BPIFB3: variants seen among roughly 807,000 people sequenced by gnomAD.
BPIFB3 encodes BPI fold containing family B member 3, also known as BPI fold-containing family B member 3.
BPIFB3 carries 49 observed loss-of-function variants against 53.1 expected under a neutral mutation model. That is an observed-to-expected ratio of 0.92 (90% confidence interval 0.73 to 1.17). The LOEUF is 1.17. Among genes scored for constraint, BPIFB3 ranks in the 50% most tolerant of loss-of-function variants. The probability of loss-of-function intolerance (pLI) is 0.00; values close to 1 mark genes in which losing one functional copy is unlikely to be tolerated. For synonymous variants in BPIFB3, 271 were observed against 269.6 expected (o/e 1.01, Z -0.05); for missense variants, 628 against 592.5 (o/e 1.06, Z -0.62).
intron 6 of BPIFB3, 21 bp from the exon 8 acceptor site, chr20:33,064,436 C>G (rs773510446): frequency 1.2e-6 from 2 of 1,602,248 alleles, no homozygotes; most frequent in Non-Finnish European, 1.7e-6. Context: ...GGGTCGTTCT[C>G]GCCCCCACTT....
At chr20:33,055,181 T>C (rs2146377618), upstream of BPIFB3, among the ~76,000 whole-genome samples, 1 of 152,310 alleles carries the variant, frequency 6.6e-6, no homozygotes, top group African/African-American at 2.4e-5. Flanking sequence ...AGCTGAGAAA[T>C]GGAACCCAAT....
chr20:33,072,782 G>A, exon 14 of BPIFB3: 1 of 1,613,112 alleles, frequency 6.2e-7, no homozygotes, highest in Non-Finnish European at 8.5e-7. Context: ...TTCAGTTCTG[G>A]AGATCGTAGA....
chr20:33,059,302 ACCAAGAGC>A, intron 2 of BPIFB3, 68 bp from the exon 4 acceptor site: 1 of 1,093,110 alleles, frequency 9.1e-7, no homozygotes, highest in East Asian at 2.6e-5. Flanking sequence ...AGGGGACACC[ACCAAGAGC>A]CACTCTGGGC....
At chr20:33,062,315 T>C (rs1250697311) in intron 5 of BPIFB3, among the ~76,000 whole-genome samples, 2 of 152,172 alleles carry the variant, frequency 1.3e-5, no homozygotes, top group Non-Finnish European at 2.9e-5. Flanking sequence ...AGAGAGCTGG[T>C]CTGGCCCAAA....
intron 3 of BPIFB3, 67 bp from the exon 5 acceptor site, chr20:33,059,823 AC>A: frequency 1.3e-6 from 2 of 1,570,934 alleles, no homozygotes. Flanking sequence ...TGGCAGGGCC[AC>A]CCTGGTGGGC....
At chr20:33,063,396 C>T (rs562264583) in intron 5 of BPIFB3, among the ~76,000 whole-genome samples, 17 of 152,316 alleles carry the variant, frequency 1.1e-4, no homozygotes, top group Non-Finnish European at 1.3e-4. Context: ...GCTCTTGTAA[C>T]CAAGGGAAGA....
chr20:33,072,104 G>A (rs1291017496), exon 13 of BPIFB3: 1 of 1,614,186 alleles, frequency 6.2e-7, no homozygotes, highest in Non-Finnish European at 8.5e-7. Flanking sequence ...TCTGTTGCAG[G>A]GATCGCGTTT....
chr20:33,061,903 G>T, intron 5 of BPIFB3, 72 bp downstream of exon 6: 1 of 1,554,960 alleles, frequency 6.4e-7, no homozygotes, highest in Non-Finnish European at 8.9e-7. Context: ...GGTTTTGGGT[G>T]AAGTTTGGCG....
exon 1 of BPIFB3, chr20:33,055,437 T>C: frequency 6.2e-7 from 1 of 1,613,644 alleles, no homozygotes; most frequent in Non-Finnish European, 8.5e-7. Flanking sequence ...CAGCCAGTCA[T>C]GCTGGCCCTG....
At chr20:33,066,482 G>T (rs766018485) in intron 8 of BPIFB3, among the ~76,000 whole-genome samples, 4 of 152,218 alleles carry the variant, frequency 2.6e-5, no homozygotes, top group Admixed American at 1.3e-4. Context: ...AAGTTAGCCT[G>T]CCCAGGTTCA....
intron 1 of BPIFB3, among the ~76,000 whole-genome samples, chr20:33,056,085 A>G (rs573996794): frequency 3.8e-4 from 58 of 152,152 alleles, no homozygotes; most frequent in Admixed American, 4.6e-4. Flanking sequence ...AGAGAAGCAG[A>G]GACCATCTCC....
chr20:33,064,365 C>T, intron 6 of BPIFB3, 92 bp from the exon 8 acceptor site: 1 of 1,007,848 alleles, frequency 9.9e-7, no homozygotes, highest in Non-Finnish European at 1.5e-6. Flanking sequence ...GAGTGCTAGG[C>T]ATTCAGCAGA....
In BPIFB3 at chr20:33,059,920, C is replaced by T. The variant is rs556585809; in HGVS notation, c.416C>T (p.Ala139Val). The change falls in exon 4 of 15, where the codon GCG becomes GTG. Residue 139 changes from alanine to valine, a missense_variant. By Grantham distance (64) the Ala-to-Val change is moderately conservative. Coordinates refer to ENST00000375494, the Ensembl canonical transcript of BPIFB3. The stretch of plus-strand genomic sequence containing the variant: ...CTTGGTGGCCTTCTGCAGCTGGCTG[C>T]GGAGGTGAACGTGACATCGCGGGTG... The T allele has an allele frequency of 1.7e-5, 28 of 1,613,920 alleles. No individual in the cohort carries two copies. Among genetic ancestry groups the T allele is most frequent in the African/African-American group, 1.3e-4 (10 of 74,926 alleles).
intron 1 of BPIFB3, among the ~76,000 whole-genome samples, chr20:33,056,323 G>A (rs527634910): frequency 2.8e-4 from 43 of 152,310 alleles, no homozygotes; most frequent in African/African-American, 9.6e-4. Context: ...CACTTACTGG[G>A]TACCTCCCAC....
At chr20:33,059,868 A>T in intron 3 of BPIFB3, 23 bp from the exon 5 acceptor site, 2 of 1,611,366 alleles carry the variant, frequency 1.2e-6, no homozygotes, top group Admixed American at 3.3e-5. Flanking sequence ...GCCTGGCCAC[A>T]CCCCCAGTGT....
chr20:33,060,715 G>A (rs117711694), intron 4 of BPIFB3, among the ~76,000 whole-genome samples: 3,855 of 152,112 alleles, frequency 0.025, 75 homozygotes, highest in Middle Eastern at 0.068. Context: ...GATTACGGGC[G>A]CCCACCACCA....
chr20:33,056,549 G>C (rs1415035574), exon 2 of BPIFB3: 1 of 1,613,938 alleles, frequency 6.2e-7, no homozygotes. Flanking sequence ...CAGCCATCCA[G>C]AACTCACTGG....
At chr20:33,056,288 G>A (rs1009609246) in intron 1 of BPIFB3, among the ~76,000 whole-genome samples, 2 of 152,204 alleles carry the variant, frequency 1.3e-5, no homozygotes, top group African/African-American at 4.8e-5. Flanking sequence ...GGATTGTTAT[G>A]AGATTTGCTC....
rs115791491 is a variant in BPIFB3 at position 33,069,369 on chromosome 20, C to G, written c.1149+396C>G. On this transcript the variant is annotated intron_variant, in intron 10 of 14. Transcript: ENST00000375494. ...ATCTGGACCGAGGCAGGCCCCTCCC[C>G]CTATCCTCCACCTTGGCTCCCCATG... Among the ~76,000 whole-genome samples the G allele has an allele frequency of 7.1e-3, 1,081 of 152,306 alleles. 18 individuals are homozygous for G. Among genetic ancestry groups the G allele is most frequent in the African/African-American group, 0.025 (1,031 of 41,566 alleles).
Sources: gnomAD v4.1 joint callset for allele counts (sites outside exome capture counted in the v4.1 genomes callset) on GRCh38, gnomAD v4.1.1 for gene constraint, MANE v1.5 for transcripts, NCBI Gene and HGNC (gene_info 2026-07-23, HGNC 2026-07-21) for gene names.